The following SLC2A10 variants were observed in gnomAD, a reference collection of about 807,000 sequenced individuals.
The protein encoded by SLC2A10 is solute carrier family 2, facilitated glucose transporter member 10.
A neutral mutation model predicts 32.1 loss-of-function variants in SLC2A10; 25 were observed. That is an observed-to-expected ratio of 0.78 (90% CI 0.57 to 1.09). The LOEUF is 1.09. SLC2A10 is among the 50% of genes least tolerant of loss of function. SLC2A10 has a pLI of 0.00. For missense variants in SLC2A10, 673 were observed against 686.5 expected, an observed-to-expected ratio of 0.98 and a Z score of 0.22; for synonymous variants, 332 against 309.6, an observed-to-expected ratio of 1.07 and a Z score of -0.76.
chr20:46,709,665 G>T lies in SLC2A10; in HGVS notation c.-72G>T. On this transcript the variant is annotated 5_prime_UTR_variant, in exon 1 of 5. Transcript: ENST00000359271. ...GGAAAGTTTGTCCGGCGGCAGCGGC[G>T]TTGGGGACTCCGGCGGGGGATGCGC... 6.6e-7 allele frequency: 1 copy of T among 1,523,470 alleles called. No homozygotes were observed. The highest frequency in any genetic ancestry group is 2.3e-4 in the Middle Eastern group (1 of 4,312). The allele number at this position is 1,523,470 out of a possible 1,614,324, so 94.4% of individuals were successfully genotyped here.
intron 1 of SLC2A10, among the ~76,000 whole-genome samples, chr20:46,721,941 A>G (rs2425902): frequency 0.28 from 42,671 of 152,120 alleles, 7,044 homozygotes; most frequent in East Asian, 0.58. Flanking sequence ...GAAGTAACAA[A>G]TGTTTACTAC....
At chr20:46,722,978 G>A (rs916424185) in intron 1 of SLC2A10, among the ~76,000 whole-genome samples, 1 of 152,142 alleles carries the variant, frequency 6.6e-6, no homozygotes, top group Non-Finnish European at 1.5e-5. Context: ...CTTCCAACCT[G>A]GGTTTGCTCT....
At chr20:46,712,622 C>CTCTT (rs557500657) in intron 1 of SLC2A10, among the ~76,000 whole-genome samples, 1 of 144,158 alleles carries the variant, frequency 6.9e-6, no homozygotes, top group African/African-American at 2.6e-5. Flanking sequence ...TTCTTTTTTT[C>CTCTT]TCTTTCTTTC....
Position 46,736,227 on chromosome 20 carries a change from AAATTT to A in SLC2A10, c.*2395_*2399del, listed in dbSNP as rs1208802414. ...AACAAACATACCCTTTATCTCTGTA[AAATTT>A]ATACACACAAAAATTAACAAAAGAT... On this transcript the variant is annotated 3_prime_UTR_variant, in exon 5 of 5. Transcript: ENST00000359271. 6.6e-6 allele frequency: 1 copy of A among 152,204 alleles called. No homozygotes were observed. The highest frequency in any genetic ancestry group is 1.5e-5 in the Non-Finnish European group (1 of 68,048). 9.4% of individuals were successfully genotyped at this position (152,204 alleles called of 1,614,324 possible). A position where few individuals can be genotyped will look rare whatever the true frequency, so the allele number is the denominator to read the frequency against.
At position 46,716,175 on chromosome 20, in the gene SLC2A10, C is replaced by A. The variant is rs1252413648; in HGVS notation, c.4+6435C>A. Among the ~76,000 whole-genome samples, 3 of 145,650 alleles carry A rather than the reference C, an allele frequency of 2.1e-5. No individual in the cohort carries two copies. In the Admixed American group the frequency reaches 2.1e-4, roughly 10 times the overall value. On this transcript the variant is annotated intron_variant, in intron 1 of 4. Coordinates refer to ENST00000359271, the MANE Select transcript of SLC2A10 (RefSeq NM_030777.4). Reference sequence around the variant, plus strand: ...GAACTTTTTTTTTTTTTTTTTGAGACAGGATCTTGCTCTGTTGTCCAGGCT... The same window carrying A: ...GAACTTTTTTTTTTTTTTTTTGAGAAAGGATCTTGCTCTGTTGTCCAGGCT...
intron 4 of SLC2A10, among the ~76,000 whole-genome samples, chr20:46,732,776 G>T (rs1466566238): frequency 6.6e-6 from 1 of 151,606 alleles, no homozygotes; most frequent in East Asian, 1.9e-4. Flanking sequence ...CTCAAGGAAG[G>T]CTGCTCTGAG....
chr20:46,709,583 G>A (rs556672749), upstream of SLC2A10: 671 of 980,678 alleles, frequency 6.8e-4, 13 homozygotes, highest in South Asian at 0.013. Flanking sequence ...CCGACGTGGC[G>A]TTGGCGGCGC....
At chr20:46,724,444 G>A (rs1410221813) in intron 1 of SLC2A10, among the ~76,000 whole-genome samples, 1 of 152,136 alleles carries the variant, frequency 6.6e-6, no homozygotes, top group African/African-American at 2.4e-5. Context: ...ATTGATGGAT[G>A]GTTGGGTGAA....
rs1438493299 is a variant in SLC2A10 at position 46,735,873 on chromosome 20, AAGG to A, written c.*2042_*2044del. ...CTGACAGCTGCTCAAATCATTTAAG[AAGG>A]AGTTCTGACATTCATTTTCATTGTT... On this transcript the variant is annotated 3_prime_UTR_variant, in exon 5 of 5. Coordinates refer to ENST00000359271, the MANE Select transcript of SLC2A10 (RefSeq NM_030777.4). 1 of 152,266 alleles carries A rather than the reference AAGG, an allele frequency of 6.6e-6. No individual in the cohort carries two copies. The highest frequency in any genetic ancestry group is 2.4e-5 in the African/African-American group (1 of 41,474). 9.4% of individuals were successfully genotyped at this position (152,266 alleles called of 1,614,324 possible).
chr20:46,724,951 A>C, intron 1 of SLC2A10, 90 bp from the exon 2 acceptor site: 1 of 1,543,104 alleles, frequency 6.5e-7, no homozygotes, highest in Non-Finnish European at 8.9e-7. Context: ...TGGATAAATG[A>C]AGGTGTTGAC....
At chr20:46,710,382 A>G (rs993915617) in intron 1 of SLC2A10, 8 of 239,732 alleles carry the variant, frequency 3.3e-5, no homozygotes, top group Non-Finnish European at 4.8e-5. Context: ...AGACATTGAT[A>G]TAGGGGTTAG....
chr20:46,721,643 G>A (rs185803644), intron 1 of SLC2A10, among the ~76,000 whole-genome samples: 31 of 152,278 alleles, frequency 2.0e-4, no homozygotes, highest in Admixed American at 6.5e-5. Context: ...TAGATCCATG[G>A]GTTCATGCAA....
intron 1 of SLC2A10, among the ~76,000 whole-genome samples, chr20:46,712,623 T>G (rs1170224468): frequency 6.6e-6 from 1 of 151,166 alleles, no homozygotes; most frequent in African/African-American, 2.4e-5. Context: ...TCTTTTTTTC[T>G]CTTTCTTTCT....
At chr20:46,731,207 C>A (rs776255138) in intron 4 of SLC2A10, among the ~76,000 whole-genome samples, 6 of 152,196 alleles carry the variant, frequency 3.9e-5, no homozygotes, top group Non-Finnish European at 8.8e-5. Flanking sequence ...TCTTGTTGCT[C>A]TGCCACCTCT....
Position 46,726,208 on chromosome 20 carries a change from T to C in SLC2A10, c.1172T>C (p.Leu391Pro). 1 of 1,614,146 alleles carries C rather than the reference T, an allele frequency of 6.2e-7. No individual in the cohort carries two copies. Among genetic ancestry groups the C allele is most frequent in the Non-Finnish European group, 8.5e-7 (1 of 1,180,042 alleles). ...GDPSAPPRLA[L>P]SSALPGPPLP... is the part of the protein sequence containing the mutation. ...CCCTCAGCCCCTCCTCGGCTGGCCC[T>C]GAGCTCTGCCCTCCCTGGGCCCCCT... is the stretch of plus-strand genomic sequence containing the variant. Residue 391 changes from leucine to proline, a missense_variant, in exon 2 of 5, where the codon CTG (leucine) becomes CCG (proline). Transcript: ENST00000359271.
At chr20:46,727,396 C>T (rs1980034478) in intron 3 of SLC2A10, among the ~76,000 whole-genome samples, 1 of 152,198 alleles carries the variant, frequency 6.6e-6, no homozygotes, top group Non-Finnish European at 1.5e-5. Context: ...TCTCAGCTCA[C>T]TGCAACCTCC....
rs142431229 is a variant in SLC2A10 at position 46,725,666 on chromosome 20, C to T, written c.630C>T (p.Gly210=). ...PLQGGEAPKL[G]PGRPRYSFLD... is the part of the protein sequence containing the mutation. ...AGGGAGGTGAGGCCCCCAAGCTGGG[C>T]CCGGGGAGGCCACGGTACTCCTTTC... The change falls in exon 2 of 5, where the codon GGC becomes GGT. Residue 210 remains glycine (G), a synonymous_variant. Transcript: ENST00000359271. 324 of 1,614,020 alleles carry T rather than the reference C, an allele frequency of 2.0e-4. No homozygotes were observed. The African/African-American group carries it at 3.8e-3, about 19-fold the overall frequency.
intron 4 of SLC2A10, 136 bp downstream of exon 4, chr20:46,729,624 AGTTTTTTTTTTTTTTTT>A: frequency 7.0e-5 from 26 of 372,656 alleles, no homozygotes; most frequent in Non-Finnish European, 1.1e-4. Context: ...GGGCACTATG[AGTTTTTTTTTTTTTTTT>A]TTTTTTTTTT....
At chr20:46,716,237 C>T (rs1009332450) in intron 1 of SLC2A10, among the ~76,000 whole-genome samples, 2 of 151,682 alleles carry the variant, frequency 1.3e-5, no homozygotes, top group African/African-American at 4.8e-5. Context: ...ACTGCAACCT[C>T]CACCTTCCCG....
Sources: allele counts gnomAD v4.1 joint callset (sites outside exome capture counted in the v4.1 genomes callset), GRCh38; gene constraint gnomAD v4.1.1; transcripts MANE v1.5; gene names NCBI Gene and HGNC (gene_info 2026-07-23, HGNC 2026-07-21).